ADGRF4: variants seen among roughly 807,000 people sequenced by gnomAD.
ADGRF4 encodes the protein adhesion G protein-coupled receptor F4.
Under a neutral mutation model 58.5 loss-of-function variants are expected in ADGRF4, and 63 were observed. The ratio of observed to expected loss-of-function variants is 1.08; its 90% CI spans 0.88 to 1.33. ADGRF4 has a LOEUF of 1.33. Among genes scored for constraint, ADGRF4 ranks in the 40% most tolerant of loss-of-function variants. ADGRF4 has a pLI of 0.00. For synonymous variants in ADGRF4, 313 were observed against 295.4 expected, an observed-to-expected ratio of 1.06 and a Z score of -0.61; for missense variants, 931 against 843.9, an observed-to-expected ratio of 1.10 and a Z score of -1.28.
At chr6:47,708,064 T>G (rs192545151) in intron 2 of ADGRF4, among the ~76,000 whole-genome samples, 160 bp from the exon 3 acceptor site, 1 of 152,348 alleles carries the variant, frequency 6.6e-6, no homozygotes, top group African/African-American at 2.4e-5. Context: ...CATCCACATT[T>G]CCTTCAGCAA....
chr6:47,709,744 A>G (rs993555190), intron 3 of ADGRF4, among the ~76,000 whole-genome samples: 1 of 152,218 alleles, frequency 6.6e-6, no homozygotes, highest in Admixed American at 6.5e-5. Flanking sequence ...TGAGTTGCCC[A>G]GTGCATATGT....
At chr6:47,711,011 T>C in intron 4 of ADGRF4, 125 bp downstream of exon 4, 2 of 880,244 alleles carry the variant, frequency 2.3e-6, no homozygotes, top group South Asian at 4.1e-5. Context: ...ATCTACAGAA[T>C]GGGTTAAATT....
At chr6:47,718,282 G>T in intron 8 of ADGRF4, 107 bp from the exon 9 acceptor site, 1 of 750,760 alleles carries the variant, frequency 1.3e-6, no homozygotes, top group Non-Finnish European at 2.5e-6. Context: ...ATCAGTGTGG[G>T]TACTCCTTTT....
At chr6:47,715,581 C>T (rs1438816875) in intron 6 of ADGRF4, 1 of 160,702 alleles carries the variant, frequency 6.2e-6, no homozygotes, top group Non-Finnish European at 1.4e-5. Flanking sequence ...AAGTAATGGG[C>T]CTTGCCACTC....
At chr6:47,702,193 A>G (rs1163390477) in intron 1 of ADGRF4, among the ~76,000 whole-genome samples, 2 of 152,200 alleles carry the variant, frequency 1.3e-5, no homozygotes, top group African/African-American at 2.4e-5. Flanking sequence ...CAGTTTTCTT[A>G]CTACAAGAAA....
intron 4 of ADGRF4, 88 bp from the exon 5 acceptor site, chr6:47,712,269 C>T (rs1462899995): frequency 7.8e-7 from 1 of 1,286,246 alleles, no homozygotes; most frequent in Non-Finnish European, 1.1e-6. Context: ...ATCTACCTTA[C>T]CCATGTAGAT....
chr6:47,706,009 T>A (rs1771700268), intron 1 of ADGRF4, among the ~76,000 whole-genome samples: 1 of 152,230 alleles, frequency 6.6e-6, no homozygotes. Context: ...GTTGATAGAA[T>A]GAATGATCAT....
intron 9 of ADGRF4, among the ~76,000 whole-genome samples, chr6:47,720,179 G>A (rs144132834): frequency 3.3e-4 from 50 of 152,222 alleles, no homozygotes; most frequent in Middle Eastern, 6.8e-3. Flanking sequence ...AGAGTGGAGG[G>A]TGGCAGCACC....
intron 7 of ADGRF4, 51 bp from the exon 8 acceptor site, chr6:47,717,241 T>C: frequency 7.7e-7 from 1 of 1,305,364 alleles, no homozygotes; most frequent in Non-Finnish European, 1.1e-6. Flanking sequence ...GGCAATTCTG[T>C]TGTTTCTTCC....
At position 47,709,582 on chromosome 6, in the gene ADGRF4, T is replaced by C. The variant is rs114026308; in HGVS notation, c.149-1153T>C. 4.3e-3 allele frequency among the ~76,000 whole-genome samples: 661 copies of C among 152,336 alleles called. 3 individuals are homozygous for C. Among genetic ancestry groups the C allele is most frequent in the African/African-American group, 0.014 (576 of 41,590 alleles). On this transcript the variant is annotated intron_variant, in intron 3 of 9. Transcript: ENST00000283303. ...GGGTCATACAGACACTAAAAACTTA[T>C]TTGTTGTTTATCTGAGCATTTACAG...
chr6:47,707,478 A>G, intron 2 of ADGRF4, 140 bp downstream of exon 2: 1 of 646,850 alleles, frequency 1.5e-6, no homozygotes, highest in Non-Finnish European at 2.8e-6. Context: ...GTAACTTTCT[A>G]AAGAAGGGAA....
intron 6 of ADGRF4, chr6:47,715,582 C>G (rs1041336631): frequency 6.2e-6 from 1 of 160,610 alleles, no homozygotes; most frequent in African/African-American, 2.4e-5. Context: ...AGTAATGGGC[C>G]TTGCCACTCA....
chr6:47,706,414 G>A (rs111335570), intron 1 of ADGRF4, among the ~76,000 whole-genome samples: 132 of 152,284 alleles, frequency 8.7e-4, no homozygotes, highest in African/African-American at 3.1e-3. Context: ...AGCTTGCTCC[G>A]GTAGCAGACG....
chr6:47,708,187 A>C (rs1489452728), intron 2 of ADGRF4, 37 bp from the exon 3 acceptor site: 2 of 1,531,964 alleles, frequency 1.3e-6, no homozygotes, highest in Admixed American at 3.3e-5. Flanking sequence ...GCAGAGTCCC[A>C]CAGTAAAGAG....
intron 4 of ADGRF4, 134 bp from the exon 5 acceptor site, chr6:47,712,223 G>A: frequency 2.6e-6 from 2 of 774,288 alleles, no homozygotes; most frequent in Non-Finnish European, 4.2e-6. Flanking sequence ...ACCCCCCTCT[G>A]CATCAAAACC....
At chr6:47,703,812 A>G (rs985388429) in intron 1 of ADGRF4, among the ~76,000 whole-genome samples, 4 of 152,194 alleles carry the variant, frequency 2.6e-5, no homozygotes, top group Non-Finnish European at 4.4e-5. Flanking sequence ...TCCACAAAGC[A>G]TGATTTGCAG....
intron 9 of ADGRF4, among the ~76,000 whole-genome samples, chr6:47,720,714 T>C (rs954740847): frequency 2.0e-5 from 3 of 152,196 alleles, no homozygotes; most frequent in Non-Finnish European, 4.4e-5. Flanking sequence ...GGCTGTTAGA[T>C]TCCAGGGGCA....
At chr6:47,704,585 A>G (rs1482244154) in intron 1 of ADGRF4, among the ~76,000 whole-genome samples, 1 of 151,846 alleles carries the variant, frequency 6.6e-6, no homozygotes. Context: ...AACAATCTTC[A>G]GCTTGATAAT....
chr6:47,699,284 C>T (rs910107230), intron 1 of ADGRF4, among the ~76,000 whole-genome samples: 1 of 152,260 alleles, frequency 6.6e-6, no homozygotes, highest in African/African-American at 2.4e-5. Flanking sequence ...TTTCAAGTGG[C>T]CAATTCTATG....
Sources: gnomAD v4.1 joint callset for allele counts (sites outside exome capture counted in the v4.1 genomes callset) on GRCh38, gnomAD v4.1.1 for gene constraint, MANE v1.5 for transcripts, NCBI Gene and HGNC (gene_info 2026-07-23, HGNC 2026-07-21) for gene names.